SPTSSA: variants seen among roughly 807,000 people sequenced by gnomAD.
SPTSSA encodes the protein serine palmitoyltransferase small subunit A, also known as small subunit of serine palmitoyltransferase A.
In SPTSSA, 8 loss-of-function variants were observed where a neutral mutation model predicts 9.1. The observed-to-expected ratio is 0.88, with a 90% CI of 0.51 to 1.58. The LOEUF (loss-of-function observed/expected upper bound fraction) is 1.58, where lower values mean the gene tolerates loss of function less well. Ranked by LOEUF, SPTSSA falls within the 40% of genes most tolerant of loss-of-function variation. The pLI is 0.00. For synonymous variants in SPTSSA, 42 were observed against 37.7 expected (o/e 1.11, Z -0.41); for missense variants, 100 against 93.8 (o/e 1.07, Z -0.27).
chr14:34,449,500 TCC>T (rs1257126210), intron 1 of SPTSSA, among the ~76,000 whole-genome samples: 1 of 133,644 alleles, frequency 7.5e-6, no homozygotes, highest in Non-Finnish European at 1.6e-5. Context: ...GCACCCGGCC[TCC>T]CTTTTTTTTT....
At chr14:34,457,237 C>T (rs984025465) in intron 1 of SPTSSA, among the ~76,000 whole-genome samples, 2 of 152,056 alleles carry the variant, frequency 1.3e-5, no homozygotes, top group African/African-American at 4.8e-5. Context: ...CTCAGCCTCC[C>T]AAAGTTGATT....
At position 34,456,871 on chromosome 14, in the gene SPTSSA, C is replaced by T. The variant is rs1878492812; in HGVS notation, c.112+5225G>A. 2.0e-5 allele frequency among the ~76,000 whole-genome samples: 3 copies of T among 150,522 alleles called. No homozygotes were observed. In the South Asian group the frequency reaches 6.4e-4, roughly 32 times the overall value. On this transcript the variant is annotated intron_variant, in intron 1 of 1. Coordinates refer to ENST00000298130, the MANE Select transcript of SPTSSA (RefSeq NM_138288.4). ...CCAAGATCGCGCCACTGCACTCCAGCCTGGGCAACACAGCGAGACTCCATC... is the reference window on the plus strand; with the variant it reads ...CCAAGATCGCGCCACTGCACTCCAGTCTGGGCAACACAGCGAGACTCCATC...
At chr14:34,462,074 G>A in intron 1 of SPTSSA, 22 bp downstream of exon 1, 1 of 1,356,782 alleles carries the variant, frequency 7.4e-7, no homozygotes, top group Non-Finnish European at 9.6e-7. Flanking sequence ...CGGCCCCCGC[G>A]CGCGCGGCCG....
intron 1 of SPTSSA, among the ~76,000 whole-genome samples, chr14:34,451,451 C>T (rs756775391): frequency 3.3e-5 from 5 of 152,128 alleles, no homozygotes; most frequent in African/African-American, 9.7e-5. Flanking sequence ...AGGCTGGGCG[C>T]GGTAGCTCAC....
intron 1 of SPTSSA, among the ~76,000 whole-genome samples, chr14:34,454,904 T>C (rs748045137): frequency 6.6e-6 from 1 of 152,008 alleles, no homozygotes; most frequent in African/African-American, 2.4e-5. Flanking sequence ...CTGGCCAACA[T>C]AGTAAATCCC....
At chr14:34,446,945 T>A (rs778872688) in intron 1 of SPTSSA, among the ~76,000 whole-genome samples, 9 of 152,046 alleles carry the variant, frequency 5.9e-5, no homozygotes, top group Non-Finnish European at 1.2e-4. Flanking sequence ...CTTACTCAGC[T>A]GGGCGCAGTG....
chr14:34,439,886 G>T (rs959313898), intron 1 of SPTSSA, among the ~76,000 whole-genome samples: 4 of 152,152 alleles, frequency 2.6e-5, no homozygotes, highest in African/African-American at 9.7e-5. Context: ...CATATGAAAA[G>T]CCCTACTCCC....
intron 1 of SPTSSA, among the ~76,000 whole-genome samples, chr14:34,452,245 CA>C (rs532756986): frequency 0.02 from 1,957 of 97,026 alleles, 26 homozygotes; most frequent in African/African-American, 0.058. Context: ...GACTCAATCT[CA>C]AAAAAAAAAA....
chr14:34,454,187 G>A (rs893094490), intron 1 of SPTSSA, among the ~76,000 whole-genome samples: 2 of 151,180 alleles, frequency 1.3e-5, no homozygotes, highest in African/African-American at 4.9e-5. Flanking sequence ...CCTGTTTTAG[G>A]GGGAAAAAAA....
intron 1 of SPTSSA, among the ~76,000 whole-genome samples, chr14:34,461,735 T>G (rs1878620194): frequency 6.6e-6 from 1 of 152,108 alleles, no homozygotes; most frequent in Non-Finnish European, 1.5e-5. Flanking sequence ...TGTTACATGA[T>G]CCCCGCCTCC....
At chr14:34,445,500 C>CA (rs748185350) in intron 1 of SPTSSA, among the ~76,000 whole-genome samples, 2 of 151,658 alleles carry the variant, frequency 1.3e-5, no homozygotes, top group African/African-American at 2.4e-5. Flanking sequence ...GACTCTGTCT[C>CA]AAAAAAATAA....
Position 34,438,866 on chromosome 14 carries a change from T to C in SPTSSA, c.113-3562A>G, listed in dbSNP as rs1883278652. On this transcript the variant is annotated intron_variant, in intron 1 of 1. Coordinates refer to ENST00000298130, the MANE Select transcript of SPTSSA (RefSeq NM_138288.4). The stretch of plus-strand genomic sequence containing the variant: ...CTTTCCATGTCCCTCTTTACTAGAA[T>C]GATCCTTTTAAAATGCATTAGGTTT... Among the ~76,000 whole-genome samples the C allele has an allele frequency of 9.9e-5, 15 of 152,202 alleles. No homozygotes were observed. The South Asian group carries it at 3.1e-3, about 32-fold the overall frequency.
At chr14:34,460,501 C>T (rs1269966936) in intron 1 of SPTSSA, among the ~76,000 whole-genome samples, 1 of 152,118 alleles carries the variant, frequency 6.6e-6, no homozygotes, top group African/African-American at 2.4e-5. Flanking sequence ...GACACTATCA[C>T]TATTGCAACA....
At chr14:34,443,154 T>C (rs1883351425) in intron 1 of SPTSSA, among the ~76,000 whole-genome samples, 1 of 106,998 alleles carries the variant, frequency 9.3e-6, no homozygotes, top group African/African-American at 4.6e-5. Flanking sequence ...TGTGTGTGTG[T>C]GTGTGTGTGT....
intron 1 of SPTSSA, among the ~76,000 whole-genome samples, chr14:34,445,721 T>C (rs1883409181): frequency 6.6e-6 from 1 of 152,228 alleles, no homozygotes. Flanking sequence ...GCCAAAACGA[T>C]GTTCAGTCTT....
chr14:34,462,098 A>G lies in SPTSSA; in HGVS notation c.110T>C (p.Phe37Ser). 1 of 1,498,066 alleles carries G rather than the reference A, an allele frequency of 6.7e-7. No homozygotes were observed. The highest frequency in any genetic ancestry group is 9.0e-7 in the Non-Finnish European group (1 of 1,117,188). The allele number at this position is 1,498,066 out of a possible 1,614,324, so 92.8% of individuals were successfully genotyped here. The change falls in exon 1 of 2, where the codon TTC becomes TCC. Residue 37 changes from phenylalanine to serine, a missense_variant and splice_region_variant. By Grantham distance (155) the Phe-to-Ser change is radical. Transcript: ENST00000298130. ...YMLEPWERTV[F>S]NSMLVSIVGM... The stretch of plus-strand genomic sequence containing the variant: ...CGCGCGCGGCCGGGACAGGATACTG[A>G]ACACCGTCCGCTCCCAGGGCTCCAG...
In SPTSSA at chr14:34,434,166, T is replaced by C. The variant is rs1883202966; in HGVS notation, c.*1035A>G. 6.6e-6 allele frequency: 1 copy of C among 152,188 alleles called. No individual in the cohort carries two copies. The highest frequency in any genetic ancestry group is 2.4e-5 in the African/African-American group (1 of 41,354). 9.4% of individuals were successfully genotyped at this position (152,188 alleles called of 1,614,324 possible). On this transcript the variant is annotated 3_prime_UTR_variant, in exon 2 of 2. Transcript: ENST00000298130. Reference sequence around the variant, plus strand: ...AAGATATACTGCTACATCAGCTGATTTTTTTTCTCTTTGAATTTAATGTAT... The same window carrying C: ...AAGATATACTGCTACATCAGCTGATCTTTTTTCTCTTTGAATTTAATGTAT...
chr14:34,435,441 A>C (rs1156967426), intron 1 of SPTSSA, 137 bp from the exon 2 acceptor site: 1 of 552,756 alleles, frequency 1.8e-6, no homozygotes. Flanking sequence ...GATAAAAAAA[A>C]CAACAAGAAT....
At chr14:34,462,026 C>T (rs986596936) in intron 1 of SPTSSA, 70 bp downstream of exon 1, 231 of 1,116,988 alleles carry the variant, frequency 2.1e-4, no homozygotes, top group South Asian at 2.6e-4. Context: ...AGGCCCGGGG[C>T]CTGGGGAAAT....
Sources: allele counts gnomAD v4.1 joint callset (sites outside exome capture counted in the v4.1 genomes callset), GRCh38; gene constraint gnomAD v4.1.1; transcripts MANE v1.5; gene names NCBI Gene and HGNC (gene_info 2026-07-23, HGNC 2026-07-21).